NELL1: variants seen among roughly 807,000 people sequenced by gnomAD.
NELL1 encodes the protein neural EGFL like 1, also known as protein kinase C-binding protein NELL1.
Under a neutral mutation model 107.4 loss-of-function variants are expected in NELL1, and 76 were observed. The ratio of observed to expected loss-of-function variants is 0.71; its 90% CI spans 0.59 to 0.86. The LOEUF is 0.86. Ranked by LOEUF, NELL1 falls within the 40% of genes least tolerant of loss-of-function variation. The probability of loss-of-function intolerance (pLI) is 0.00; values close to 1 mark genes in which losing one functional copy is unlikely to be tolerated. For missense variants in NELL1, 1,024 were observed against 1,005.5 expected (o/e 1.02, Z -0.25); for synonymous variants, 353 against 341.2 (o/e 1.03, Z -0.38).
At chr11:21,362,752 A>G (rs1243047352) in intron 14 of NELL1, among the ~76,000 whole-genome samples, 3 of 150,744 alleles carry the variant, frequency 2.0e-5, no homozygotes, top group African/African-American at 7.3e-5. Flanking sequence ...CTCCCAAGAG[A>G]TTGTCTTTTG....
chr11:21,304,723 A>C (rs1393644041), intron 14 of NELL1, among the ~76,000 whole-genome samples: 1 of 151,914 alleles, frequency 6.6e-6, no homozygotes, highest in Non-Finnish European at 1.5e-5. Context: ...AAGAGTATAT[A>C]TCACCTAATA....
chr11:20,707,640 G>T (rs970452206), intron 2 of NELL1, among the ~76,000 whole-genome samples: 1 of 152,210 alleles, frequency 6.6e-6, no homozygotes, highest in Non-Finnish European at 1.5e-5. Flanking sequence ...GTCCATTCCA[G>T]ACCCTGTTTG....
intron 2 of NELL1, among the ~76,000 whole-genome samples, chr11:20,747,948 G>T (rs575214711): frequency 3.9e-4 from 60 of 152,180 alleles, no homozygotes; most frequent in Non-Finnish European, 7.5e-4. Flanking sequence ...GGCTGGGGAG[G>T]TGGGGAAATT....
intron 12 of NELL1, among the ~76,000 whole-genome samples, chr11:21,060,948 G>A (rs1853725973): frequency 6.6e-6 from 1 of 152,140 alleles, no homozygotes; most frequent in African/African-American, 2.4e-5. Context: ...TATTGGTCAG[G>A]CAGGACTTGA....
intron 3 of NELL1, among the ~76,000 whole-genome samples, chr11:20,839,587 C>T (rs1011921018): frequency 6.6e-5 from 10 of 152,038 alleles, no homozygotes; most frequent in South Asian, 4.1e-4. Flanking sequence ...AATTTACAAA[C>T]GTATGTCATT....
chr11:20,905,266 A>G (rs78017002), intron 5 of NELL1, among the ~76,000 whole-genome samples: 6 of 152,180 alleles, frequency 3.9e-5, no homozygotes, highest in Non-Finnish European at 7.3e-5. Context: ...ATTCAACAAT[A>G]AAAAACAAAG....
At chr11:20,782,742 CT>C (rs1474897375) in intron 2 of NELL1, among the ~76,000 whole-genome samples, 1 of 152,160 alleles carries the variant, frequency 6.6e-6, no homozygotes, top group Non-Finnish European at 1.5e-5. Context: ...ACCAAACACA[CT>C]TCTAATGTTC....
intron 12 of NELL1, among the ~76,000 whole-genome samples, chr11:21,080,153 A>G (rs1854231659): frequency 6.6e-6 from 1 of 152,020 alleles, no homozygotes; most frequent in Non-Finnish European, 1.5e-5. Flanking sequence ...CTATACCTTT[A>G]AAGTATTTGT....
intron 15 of NELL1, among the ~76,000 whole-genome samples, chr11:21,501,528 A>C (rs1855141942): frequency 6.6e-6 from 1 of 152,194 alleles, no homozygotes; most frequent in Non-Finnish European, 1.5e-5. Flanking sequence ...TCAAAGTAGC[A>C]GGAGACCTCA....
intron 16 of NELL1, among the ~76,000 whole-genome samples, chr11:21,536,991 T>C (rs1313977333): frequency 6.6e-6 from 1 of 152,156 alleles, no homozygotes; most frequent in African/African-American, 2.4e-5. Context: ...CTGATCCCTG[T>C]TTTGCAAAGG....
chr11:21,517,780 A>G (rs1855605731), intron 15 of NELL1, among the ~76,000 whole-genome samples: 2 of 152,158 alleles, frequency 1.3e-5, no homozygotes, highest in Non-Finnish European at 2.9e-5. Flanking sequence ...TCTCCATCAC[A>G]TAATCTACCC....
chr11:20,788,770 T>C (rs1041692284), intron 3 of NELL1, among the ~76,000 whole-genome samples: 4 of 152,202 alleles, frequency 2.6e-5, no homozygotes, highest in Non-Finnish European at 5.9e-5. Context: ...AATGAAGAGT[T>C]ACTCCTATGT....
Position 21,565,951 on chromosome 11 carries a change from G to A in NELL1, c.1981-4813G>A, listed in dbSNP as rs78419230. On this transcript the variant is annotated intron_variant, in intron 17 of 19. Transcript: ENST00000357134. ...GTGTGTGAGAAAGTAGAATAGGTGC[G>A]TCTAGATTACCAACCCTAATTTCAT... Among the ~76,000 whole-genome samples the A allele has an allele frequency of 1.8e-4, 28 of 152,008 alleles. No individual in the cohort carries two copies. The East Asian group carries it at 4.1e-3, about 22-fold the overall frequency.
At chr11:20,864,919 TACA>T (rs1376598992) in intron 4 of NELL1, among the ~76,000 whole-genome samples, 1 of 152,246 alleles carries the variant, frequency 6.6e-6, no homozygotes, top group Non-Finnish European at 1.5e-5. Flanking sequence ...AGTCCTCCTG[TACA>T]ACATCCTCAT....
chr11:21,052,710 G>A (rs1335159815), intron 12 of NELL1, among the ~76,000 whole-genome samples: 3 of 152,072 alleles, frequency 2.0e-5, no homozygotes, highest in Non-Finnish European at 4.4e-5. Context: ...GGTTGCTGAG[G>A]TCTGAGTGAG....
At chr11:21,568,931 C>T (rs1294139435) in intron 17 of NELL1, among the ~76,000 whole-genome samples, 5 of 150,886 alleles carry the variant, frequency 3.3e-5, no homozygotes, top group African/African-American at 1.2e-4. Flanking sequence ...AGATAGTATA[C>T]TAAATACATA....
At chr11:21,137,121 A>G (rs1472111295) in intron 13 of NELL1, among the ~76,000 whole-genome samples, 2 of 152,238 alleles carry the variant, frequency 1.3e-5, no homozygotes, top group East Asian at 1.9e-4. Context: ...TGGTGAATTC[A>G]TCTTATAAGT....
rs189712969 is a variant in NELL1 at position 21,070,289 on chromosome 11, T to C, written c.1301-43300T>C. Among the ~76,000 whole-genome samples, 256 of 152,262 alleles carry C rather than the reference T, an allele frequency of 1.7e-3. 2 individuals are homozygous for C. Among genetic ancestry groups the C allele is most frequent in the African/African-American group, 6.0e-3 (248 of 41,560 alleles). On this transcript the variant is annotated intron_variant, in intron 12 of 19. Transcript: ENST00000357134. ...TGGAGGTTTTCTCATTTAATAGAGGTAGAAAATTTCAGGAGTTAAACTGCC... is the reference window on the plus strand; with the variant it reads ...TGGAGGTTTTCTCATTTAATAGAGGCAGAAAATTTCAGGAGTTAAACTGCC...
intron 15 of NELL1, among the ~76,000 whole-genome samples, chr11:21,422,924 C>T (rs1852722922): frequency 6.6e-6 from 1 of 151,996 alleles, no homozygotes; most frequent in South Asian, 2.1e-4. Context: ...AAACATGATC[C>T]AGCTATGCAC....
Sources: gnomAD v4.1 joint callset for allele counts (sites outside exome capture counted in the v4.1 genomes callset) on GRCh38, gnomAD v4.1.1 for gene constraint, MANE v1.5 for transcripts, NCBI Gene and HGNC (gene_info 2026-07-23, HGNC 2026-07-21) for gene names.